Variants in MDGA2 observed in about 807,000 individuals in gnomAD.
The protein encoded by MDGA2 is MAM domain-containing glycosylphosphatidylinositol anchor protein 2.
A neutral mutation model predicts 117.8 loss-of-function variants in MDGA2; 40 were observed. The ratio of observed to expected loss-of-function variants is 0.34; its 90% confidence interval spans 0.26 to 0.44. MDGA2 has a LOEUF of 0.44. Ranked by LOEUF, MDGA2 falls within the 20% of genes least tolerant of loss-of-function variation. The pLI is 1.00. For synonymous variants in MDGA2, 452 were observed against 439.0 expected (o/e 1.03, Z -0.37); for missense variants, 1,123 against 1,250.6 (o/e 0.90, Z 1.54).
intron 2 of MDGA2, among the ~76,000 whole-genome samples, chr14:47,288,920 C>T (rs1888780504): frequency 1.3e-5 from 2 of 152,048 alleles, no homozygotes; most frequent in African/African-American, 4.8e-5. Context: ...CATCTTGCAG[C>T]TTTTCAGAAA....
At chr14:47,389,370 A>T (rs1409749966) in intron 1 of MDGA2, among the ~76,000 whole-genome samples, 1 of 152,190 alleles carries the variant, frequency 6.6e-6, no homozygotes, top group Non-Finnish European at 1.5e-5. Flanking sequence ...ACATATAATG[A>T]CTAAAAATGT....
At chr14:47,429,391 C>A (rs569280611) in intron 1 of MDGA2, among the ~76,000 whole-genome samples, 23 of 152,128 alleles carry the variant, frequency 1.5e-4, no homozygotes, top group African/African-American at 5.1e-4. Flanking sequence ...TATAACAATT[C>A]TTAGCAAATA....
chr14:46,999,670 C>G (rs2138476441), intron 8 of MDGA2, among the ~76,000 whole-genome samples: 1 of 152,082 alleles, frequency 6.6e-6, no homozygotes, highest in South Asian at 2.1e-4. Context: ...TGTAAGGAAA[C>G]AAGGGCAGCC....
intron 1 of MDGA2, among the ~76,000 whole-genome samples, chr14:47,372,618 T>A (rs1891387762): frequency 6.6e-6 from 1 of 151,932 alleles, no homozygotes; most frequent in Non-Finnish European, 1.5e-5. Context: ...TTGGTTAGAG[T>A]ATGAATTGCT....
intron 1 of MDGA2, among the ~76,000 whole-genome samples, chr14:47,508,469 C>T (rs1200778302): frequency 6.6e-6 from 1 of 151,854 alleles, no homozygotes. Flanking sequence ...ATAACACTTA[C>T]TCCCATTGTT....
intron 1 of MDGA2, among the ~76,000 whole-genome samples, chr14:47,464,116 C>CACAT (rs1555324682): frequency 4.7e-5 from 7 of 149,854 alleles, no homozygotes; most frequent in African/African-American, 1.7e-4. Context: ...CACACACACA[C>CACAT]ACACACACAC....
chr14:47,162,734 C>T (rs1011396206), intron 3 of MDGA2, among the ~76,000 whole-genome samples: 1 of 152,060 alleles, frequency 6.6e-6, no homozygotes, highest in Admixed American at 6.5e-5. Context: ...CTCCCTCTTT[C>T]CCCTCCTCAT....
At position 47,035,183 on chromosome 14, in the gene MDGA2, C is replaced by G. The variant is rs778022404; in HGVS notation, c.1647G>C (p.Ala549=). 3 of 1,614,168 alleles carry G rather than the reference C, an allele frequency of 1.9e-6. No homozygotes were observed. The Admixed American group carries it at 5.0e-5, about 27-fold the overall frequency. ...CATCAGGCATTGCAACTTCTTTATC[C>G]GCTCTAGACCAAAGGATGATTGGTT... ...KPKPIILWSR[A]DKEVAMPDGS... The change falls in exon 8 of 17, where the codon GCG becomes GCC. Residue 549 remains alanine, a synonymous_variant. Coordinates refer to ENST00000399232, the MANE Select transcript of MDGA2 (RefSeq NM_001113498.3).
At chr14:47,514,831 G>T (rs1594894999) in intron 1 of MDGA2, among the ~76,000 whole-genome samples, 1 of 151,990 alleles carries the variant, frequency 6.6e-6, no homozygotes, top group East Asian at 1.9e-4. Flanking sequence ...TTACAAGGGG[G>T]TCACATCATG....
At chr14:47,282,365 T>C (rs1888521374) in intron 2 of MDGA2, among the ~76,000 whole-genome samples, 1 of 152,072 alleles carries the variant, frequency 6.6e-6, no homozygotes, top group South Asian at 2.1e-4. Context: ...CACTTAAATG[T>C]TCATGGACAG....
At chr14:47,489,706 G>T (rs1894130854) in intron 1 of MDGA2, among the ~76,000 whole-genome samples, 1 of 151,982 alleles carries the variant, frequency 6.6e-6, no homozygotes, top group Admixed American at 6.6e-5. Context: ...ATCTTATAAA[G>T]GGAAAATCAA....
At chr14:47,043,198 T>A (rs1889139619) in intron 7 of MDGA2, among the ~76,000 whole-genome samples, 1 of 152,048 alleles carries the variant, frequency 6.6e-6, no homozygotes, top group East Asian at 1.9e-4. Context: ...TGCTAGACAT[T>A]CCTCATTTAT....
intron 8 of MDGA2, among the ~76,000 whole-genome samples, chr14:46,983,046 C>T (rs989896042): frequency 6.6e-6 from 1 of 152,036 alleles, no homozygotes; most frequent in Non-Finnish European, 1.5e-5. Context: ...AAGGCCTTTT[C>T]TGCATCTATT....
chr14:47,415,579 G>T (rs945790858), intron 1 of MDGA2, among the ~76,000 whole-genome samples: 14 of 151,988 alleles, frequency 9.2e-5, no homozygotes, highest in Admixed American at 2.0e-4. Flanking sequence ...TATAGTATGT[G>T]TATATAGGAA....
At chr14:47,325,798 C>T (rs947111575) in intron 1 of MDGA2, among the ~76,000 whole-genome samples, 3 of 151,984 alleles carry the variant, frequency 2.0e-5, no homozygotes, top group Non-Finnish European at 2.9e-5. Context: ...CGAGCAAGAG[C>T]TTTGAATTGT....
chr14:46,933,032 A>T (rs1346219014), intron 9 of MDGA2, among the ~76,000 whole-genome samples: 1 of 152,114 alleles, frequency 6.6e-6, no homozygotes, highest in African/African-American at 2.4e-5. Flanking sequence ...TTCATTAAAA[A>T]TATAAAATGC....
chr14:47,583,248 G>C (rs2138844049), intron 1 of MDGA2, among the ~76,000 whole-genome samples: 1 of 151,886 alleles, frequency 6.6e-6, no homozygotes, highest in South Asian at 2.1e-4. Flanking sequence ...AGGGAGAATG[G>C]CTAGATTAGA....
At chr14:47,615,170 A>G (rs549910809) in intron 1 of MDGA2, among the ~76,000 whole-genome samples, 3 of 152,274 alleles carry the variant, frequency 2.0e-5, no homozygotes, top group African/African-American at 7.2e-5. Context: ...AAAAAAGACA[A>G]ACACATTTAT....
intron 1 of MDGA2, among the ~76,000 whole-genome samples, chr14:47,579,109 T>A (rs1244737879): frequency 6.6e-6 from 1 of 152,108 alleles, no homozygotes; most frequent in African/African-American, 2.4e-5. Context: ...AGTTACAATT[T>A]GTAAAAATAT....
Sources: gnomAD v4.1 joint callset for allele counts (sites outside exome capture counted in the v4.1 genomes callset) on GRCh38, gnomAD v4.1.1 for gene constraint, MANE v1.5 for transcripts, NCBI Gene and HGNC (gene_info 2026-07-23, HGNC 2026-07-21) for gene names.